The following GLI3 variants were observed in gnomAD, a reference collection of about 807,000 sequenced individuals.
GLI3 encodes GLI family zinc finger 3, also known as transcription activator GLI3.
In GLI3, 20 loss-of-function variants were observed where a neutral mutation model predicts 100.8. The ratio of observed to expected loss-of-function variants is 0.20; its 90% CI spans 0.14 to 0.29. The LOEUF is 0.29. Ranked by LOEUF, GLI3 falls within the 10% of genes least tolerant of loss-of-function variation. The pLI, the probability that GLI3 is intolerant of heterozygous loss-of-function variation, is 1.00. For missense variants in GLI3, 2,040 were observed against 2,128.5 expected (o/e 0.96, Z 0.82); for synonymous variants, 938 against 860.5 (o/e 1.09, Z -1.58).
chr7:41,973,565 G>A (rs1253210777), intron 12 of GLI3, among the ~76,000 whole-genome samples: 2 of 152,056 alleles, frequency 1.3e-5, no homozygotes, highest in African/African-American at 4.8e-5. Context: ...TGTTCACTTG[G>A]CTTAAAATAT....
chr7:42,142,684 T>C (rs890114531), intron 3 of GLI3, among the ~76,000 whole-genome samples: 3 of 152,018 alleles, frequency 2.0e-5, no homozygotes, highest in Non-Finnish European at 2.9e-5. Context: ...TAAATCTGTA[T>C]TGCTTTGCTC....
chr7:42,038,806 C>G (rs761618448), intron 7 of GLI3, among the ~76,000 whole-genome samples: 3 of 152,138 alleles, frequency 2.0e-5, no homozygotes, highest in Non-Finnish European at 4.4e-5. Context: ...TAGGGAAAGA[C>G]AACAGTATTC....
In GLI3 at chr7:41,965,948, C is replaced by A. The variant is rs778463017; in HGVS notation, c.3125G>T (p.Arg1042Leu). Residue 1042 changes from arginine (R) to leucine (L), a missense_variant, in exon 15 of 15, where the codon CGC (arginine) becomes CTC (leucine). Transcript: ENST00000395925. Reference protein sequence around the residue: ...PPAMATSAEKRSLVLQNYTRP... With the variant: ...PPAMATSAEKLSLVLQNYTRP... ...CGTGTAATTCTGAAGCACGAGACTG[C>A]GCTTCTCCGCGGACGTGGCCATCGC... is the stretch of plus-strand genomic sequence containing the variant. The A allele has an allele frequency of 1.4e-5, 23 of 1,611,702 alleles. No individual in the cohort carries two copies. The highest frequency in any genetic ancestry group is 2.2e-5 in the East Asian group (1 of 44,850).
At position 42,040,191 on chromosome 7, in the gene GLI3, C is replaced by T. The variant is rs780340226; in HGVS notation, c.875G>A (p.Arg292His). The T allele has an allele frequency of 7.4e-6, 12 of 1,613,836 alleles. No homozygotes were observed. Among genetic ancestry groups the T allele is most frequent in the South Asian group, 6.6e-5 (6 of 91,080 alleles). Reference sequence around the variant, plus strand: ...GGAGAGTGGTGATATGGACAGTGTACGTTTTCGGCTCGGCCTGGCTGACAG... The same window carrying T: ...GGAGAGTGGTGATATGGACAGTGTATGTTTTCGGCTCGGCCTGGCTGACAG... ...PRLSARPSRK[R>H]TLSISPLSDH... is the part of the protein sequence containing the mutation. Residue 292 changes from arginine to histidine, a missense_variant, in exon 7 of 15, where the codon CGT (arginine) becomes CAT (histidine). Arg to His is a conservative substitution (Grantham distance 29). Around this residue, in one of 5 missense-constraint regions of GLI3, gnomAD observed 603 missense variants for 690.9 expected, o/e 0.87. Transcript: ENST00000395925.
chr7:42,208,312 C>T (rs1012698860), intron 2 of GLI3, among the ~76,000 whole-genome samples: 1 of 152,142 alleles, frequency 6.6e-6, no homozygotes, highest in African/African-American at 2.4e-5. Context: ...CCTGGGGCTC[C>T]TTTAGGCTCC....
chr7:42,214,654 AG>A (rs1788338505), intron 2 of GLI3, among the ~76,000 whole-genome samples: 1 of 151,386 alleles, frequency 6.6e-6, no homozygotes, highest in African/African-American at 2.4e-5. Context: ...CTTCAAAAAA[AG>A]AAAAAAAAGA....
intron 3 of GLI3, among the ~76,000 whole-genome samples, chr7:42,091,663 T>C (rs898265326): frequency 6.6e-6 from 1 of 152,196 alleles, no homozygotes; most frequent in Non-Finnish European, 1.5e-5. Context: ...CCAGCCGCTC[T>C]CTTCTCCCCT....
chr7:42,092,807 T>TTATG (rs1371192567), intron 3 of GLI3, among the ~76,000 whole-genome samples: 1 of 138,682 alleles, frequency 7.2e-6, no homozygotes, highest in African/African-American at 2.7e-5. Flanking sequence ...ATTTATTTAT[T>TTATG]TATTTATGTA....
At chr7:42,116,211 C>T (rs1481991943) in intron 3 of GLI3, among the ~76,000 whole-genome samples, 3 of 152,068 alleles carry the variant, frequency 2.0e-5, no homozygotes, top group African/African-American at 2.4e-5. Flanking sequence ...TTATGGGACC[C>T]GCCTTCAGGT....
At chr7:42,143,508 CAGA>C (rs1038637061) in intron 3 of GLI3, among the ~76,000 whole-genome samples, 2 of 152,178 alleles carry the variant, frequency 1.3e-5, no homozygotes, top group African/African-American at 4.8e-5. Context: ...TCCATTCACT[CAGA>C]AGATGTATTT....
At chr7:42,227,324 G>GAAA (rs34418852) in intron 1 of GLI3, among the ~76,000 whole-genome samples, 1 of 140,812 alleles carries the variant, frequency 7.1e-6, no homozygotes. Context: ...GCTCGGTGAA[G>GAAA]AAAAAAAAAA....
intron 2 of GLI3, among the ~76,000 whole-genome samples, chr7:42,210,171 G>C (rs1788238330): frequency 6.6e-6 from 1 of 151,986 alleles, no homozygotes; most frequent in South Asian, 2.1e-4. Flanking sequence ...TTCATATTGG[G>C]CTTCAAGTCG....
intron 2 of GLI3, among the ~76,000 whole-genome samples, chr7:42,169,925 T>C (rs1048927179): frequency 2.6e-5 from 4 of 151,972 alleles, no homozygotes; most frequent in African/African-American, 9.7e-5. Flanking sequence ...CAATTACTTC[T>C]TATATTTACT....
In GLI3 at chr7:41,961,199, CAT is replaced by C. The variant is rs1408148385; in HGVS notation, c.*3129_*3130del. ...TGTTTCTTTTAAAAAAAGGATTACACATTTTATTTTTTAAAAAAATCTAAAAA... is the reference window on the plus strand; with the variant it reads ...TGTTTCTTTTAAAAAAAGGATTACACTTTATTTTTTAAAAAAATCTAAAAA... On this transcript the variant is annotated 3_prime_UTR_variant, in exon 15 of 15. Coordinates refer to ENST00000395925, the MANE Select transcript of GLI3 (RefSeq NM_000168.6). The C allele has an allele frequency of 2.0e-5, 3 of 152,476 alleles. No individual in the cohort carries two copies. Among genetic ancestry groups the C allele is most frequent in the Non-Finnish European group, 4.4e-5 (3 of 68,018 alleles). The allele number at this position is 152,476 out of a possible 1,614,324, so 9.4% of individuals were successfully genotyped here. A position where few individuals can be genotyped will look rare whatever the true frequency, so the allele number is the denominator to read the frequency against.
At chr7:42,182,662 A>ATATATATATATATATATAAATGTGTG in intron 2 of GLI3, among the ~76,000 whole-genome samples, 1 of 76,714 alleles carries the variant, frequency 1.3e-5, no homozygotes, top group African/African-American at 6.7e-5. Flanking sequence ...ATATATATAT[A>ATATATATATATATATATAAATGTGTG]TATATATATA....
chr7:42,112,897 G>A (rs971072212), intron 3 of GLI3, among the ~76,000 whole-genome samples: 1 of 152,186 alleles, frequency 6.6e-6, no homozygotes, highest in African/African-American at 2.4e-5. Context: ...ATAGGGCCGG[G>A]TGTAGTGGCT....
intron 3 of GLI3, among the ~76,000 whole-genome samples, chr7:42,133,643 G>A (rs921130673): frequency 1.2e-3 from 170 of 140,294 alleles, no homozygotes; most frequent in Middle Eastern, 3.6e-3. Context: ...GAAAGCAGCA[G>A]AAAAAAAAAA....
chr7:42,040,959 C>T (rs955065551), intron 6 of GLI3, among the ~76,000 whole-genome samples: 1 of 152,090 alleles, frequency 6.6e-6, no homozygotes, highest in African/African-American at 2.4e-5. Context: ...GGTCACCCTC[C>T]CCACAATAAA....
At position 41,963,926 on chromosome 7, in the gene GLI3, C is replaced by A; in HGVS notation, c.*404G>T. ...AGCTGGAAGTGTAACCCCTTGGTCA[C>A]AAGCACACCAACTCCTATTTCCTTT... On this transcript the variant is annotated 3_prime_UTR_variant, in exon 15 of 15. Transcript: ENST00000395925. 5.7e-6 allele frequency: 1 copy of A among 176,722 alleles called. No homozygotes were observed. Among genetic ancestry groups the A allele is most frequent in the South Asian group, 1.2e-4 (1 of 8,004 alleles). The allele number at this position is 176,722 out of a possible 1,614,324, so 10.9% of individuals were successfully genotyped here.
Sources: gnomAD v4.1 joint callset for allele counts (sites outside exome capture counted in the v4.1 genomes callset) on GRCh38, gnomAD v4.1.1 for gene constraint, gnomAD v4.1.1 regional missense constraint, MANE v1.5 for transcripts, NCBI Gene and HGNC (gene_info 2026-07-23, HGNC 2026-07-21) for gene names.